Variants in SNTG1 observed in about 807,000 individuals in gnomAD.
SNTG1 encodes the protein gamma-1-syntrophin.
In SNTG1, 39 loss-of-function variants were observed where a neutral mutation model predicts 74.7. The ratio of observed to expected loss-of-function variants is 0.52; its 90% CI spans 0.40 to 0.68. The LOEUF is 0.68. Ranked by LOEUF, SNTG1 falls within the 30% of genes least tolerant of loss-of-function variation. The pLI is 0.00. For synonymous variants in SNTG1, 254 were observed against 217.1 expected (o/e 1.17, Z -1.49); for missense variants, 685 against 609.5 (o/e 1.12, Z -1.30).
chr8:50,453,707 C>T (rs2093476765), intron 8 of SNTG1, among the ~76,000 whole-genome samples: 1 of 152,176 alleles, frequency 6.6e-6, no homozygotes, highest in Non-Finnish European at 1.5e-5. Context: ...ATTGGTAATA[C>T]ATTATTTTGA....
chr8:50,235,358 A>C (rs747355072), intron 2 of SNTG1, among the ~76,000 whole-genome samples: 1 of 152,320 alleles, frequency 6.6e-6, no homozygotes, highest in East Asian at 1.9e-4. Context: ...AGACAAACAT[A>C]GCAAGATTTC....
intron 2 of SNTG1, among the ~76,000 whole-genome samples, chr8:50,316,940 T>C (rs2090339673): frequency 6.6e-6 from 1 of 152,188 alleles, no homozygotes; most frequent in Non-Finnish European, 1.5e-5. Flanking sequence ...TGAAGATAAA[T>C]ATGTTTTTAA....
At chr8:50,716,772 G>A (rs1178044882) in intron 17 of SNTG1, among the ~76,000 whole-genome samples, 6 of 147,980 alleles carry the variant, frequency 4.1e-5, no homozygotes, top group African/African-American at 1.3e-4. Flanking sequence ...TCACACTGTC[G>A]CCCAGGCTGG....
At chr8:50,773,539 T>C (rs1250555221) in intron 18 of SNTG1, among the ~76,000 whole-genome samples, 1 of 152,028 alleles carries the variant, frequency 6.6e-6, no homozygotes, top group African/African-American at 2.4e-5. Context: ...GTCAAAACAA[T>C]AGATGACCAA....
rs1252860153 is a variant in SNTG1 at position 50,391,916 on chromosome 8, T to C, written c.-27-2296T>C. Among the ~76,000 whole-genome samples, 6 of 152,212 alleles carry C rather than the reference T, an allele frequency of 3.9e-5. No homozygotes were observed. In the East Asian group the frequency reaches 1.2e-3, roughly 29 times the overall value. On this transcript the variant is annotated intron_variant, in intron 2 of 18. Coordinates refer to ENST00000642720, the MANE Select transcript of SNTG1 (RefSeq NM_018967.5). The stretch of plus-strand genomic sequence containing the variant: ...TCAGAATAATCCCAATGGAAGAATA[T>C]CTTACAAATTCCTTACCAGCATGCT...
intron 15 of SNTG1, among the ~76,000 whole-genome samples, chr8:50,694,755 G>A (rs886707241): frequency 1.3e-5 from 2 of 151,892 alleles, no homozygotes; most frequent in Admixed American, 6.6e-5. Flanking sequence ...ATTTATCCCT[G>A]GAATGCAAAG....
intron 9 of SNTG1, among the ~76,000 whole-genome samples, chr8:50,527,711 T>A (rs535214299): frequency 6.6e-6 from 1 of 152,138 alleles, no homozygotes; most frequent in South Asian, 2.1e-4. Context: ...CTATTCTACA[T>A]CTATTGTATT....
chr8:50,679,116 G>GT, intron 15 of SNTG1, among the ~76,000 whole-genome samples: 1 of 152,042 alleles, frequency 6.6e-6, no homozygotes, highest in East Asian at 1.9e-4. Context: ...ATAACAGCCT[G>GT]TGGGCTTCAT....
At chr8:50,039,390 G>A (rs983920723) in intron 1 of SNTG1, among the ~76,000 whole-genome samples, 21 of 146,816 alleles carry the variant, frequency 1.4e-4, no homozygotes, top group Non-Finnish European at 2.4e-4. Context: ...GGGAGGCGGA[G>A]CTTGCAGTGA....
At chr8:50,406,488 A>G (rs1404311820) in intron 4 of SNTG1, among the ~76,000 whole-genome samples, 6 of 152,174 alleles carry the variant, frequency 3.9e-5, no homozygotes, top group Admixed American at 3.9e-4. Context: ...GATTCAAGAT[A>G]AGTTTACTTA....
chr8:50,189,987 G>T (rs563479561), intron 2 of SNTG1, among the ~76,000 whole-genome samples: 1 of 152,188 alleles, frequency 6.6e-6, no homozygotes, highest in Non-Finnish European at 1.5e-5. Context: ...GAAGACAATT[G>T]CTTGTGTTAT....
chr8:50,398,478 T>C (rs1293842587), intron 3 of SNTG1, among the ~76,000 whole-genome samples: 1 of 152,230 alleles, frequency 6.6e-6, no homozygotes, highest in African/African-American at 2.4e-5. Flanking sequence ...CATTTGTTCC[T>C]CTAATGATTG....
At chr8:50,758,755 C>T (rs2095588532) in intron 18 of SNTG1, among the ~76,000 whole-genome samples, 1 of 152,052 alleles carries the variant, frequency 6.6e-6, no homozygotes, top group Non-Finnish European at 1.5e-5. Context: ...CAAGTCTTTG[C>T]TATTGTGAAC....
intron 18 of SNTG1, among the ~76,000 whole-genome samples, chr8:50,777,407 T>C (rs1019894046): frequency 4.0e-5 from 6 of 150,556 alleles, no homozygotes; most frequent in African/African-American, 1.5e-4. Flanking sequence ...GAGCCATCTA[T>C]TCAGTTTTTT....
At chr8:50,690,092 A>C (rs2095371035) in intron 15 of SNTG1, among the ~76,000 whole-genome samples, 1 of 151,962 alleles carries the variant, frequency 6.6e-6, no homozygotes, top group South Asian at 2.1e-4. Flanking sequence ...ATCGGTGGTG[A>C]TATCCCCTTT....
intron 15 of SNTG1, among the ~76,000 whole-genome samples, chr8:50,664,590 C>G (rs889473710): frequency 1.3e-5 from 2 of 152,148 alleles, no homozygotes; most frequent in African/African-American, 4.8e-5. Context: ...AGTAGACCCC[C>G]TGCATCTTGC....
chr8:50,443,313 G>A (rs994214634), intron 5 of SNTG1, among the ~76,000 whole-genome samples: 7 of 152,124 alleles, frequency 4.6e-5, no homozygotes, highest in South Asian at 2.1e-4. Flanking sequence ...TGTTTTAAAT[G>A]TTATTACTAT....
rs145020060 is a variant in SNTG1, at chr8:50,775,224, G to A, written c.1396-17447G>A. On this transcript the variant is annotated intron_variant, in intron 18 of 18. Transcript: ENST00000642720. Reference sequence around the variant, plus strand: ...TGATTTAGCTATATGATGTTCTCATGAGAACTTGTTTAAATTTTTAAATTG... The same window carrying A: ...TGATTTAGCTATATGATGTTCTCATAAGAACTTGTTTAAATTTTTAAATTG... 6.5e-4 allele frequency among the ~76,000 whole-genome samples: 99 copies of A among 151,506 alleles called. No homozygotes were observed. In the East Asian group the frequency reaches 0.015, roughly 23 times the overall value.
intron 2 of SNTG1, among the ~76,000 whole-genome samples, chr8:50,185,325 T>G (rs2083339833): frequency 6.6e-6 from 1 of 152,232 alleles, no homozygotes; most frequent in African/African-American, 2.4e-5. Context: ...CTGCCATGAC[T>G]GTAAGTTTCC....
Sources: allele counts gnomAD v4.1 joint callset (sites outside exome capture counted in the v4.1 genomes callset), GRCh38; gene constraint gnomAD v4.1.1; transcripts MANE v1.5; gene names NCBI Gene and HGNC (gene_info 2026-07-23, HGNC 2026-07-21).